The following AGK variants were observed in gnomAD, a reference collection of about 807,000 sequenced individuals.
AGK encodes the protein acylglycerol kinase, mitochondrial.
Under a neutral mutation model 66.4 loss-of-function variants are expected in AGK, and 52 were observed. The ratio of observed to expected loss-of-function variants is 0.78; its 90% CI spans 0.63 to 0.99. AGK has a LOEUF of 0.99. AGK is among the 50% of genes least tolerant of loss of function. The pLI is 0.00. For missense variants in AGK, 451 were observed against 506.6 expected, an observed-to-expected ratio of 0.89 and a Z score of 1.05; for synonymous variants, 182 against 181.1, an observed-to-expected ratio of 1.00 and a Z score of -0.04.
chr7:141,575,306 G>A (rs191052943), intron 2 of AGK, among the ~76,000 whole-genome samples: 326 of 152,262 alleles, frequency 2.1e-3, no homozygotes, highest in Non-Finnish European at 4.1e-3. Context: ...TGTCCAAGTG[G>A]GCAAATCACC....
chr7:141,645,647 C>T (rs1436694746), intron 13 of AGK, among the ~76,000 whole-genome samples: 1 of 152,144 alleles, frequency 6.6e-6, no homozygotes, highest in African/African-American at 2.4e-5. Flanking sequence ...TTGCTTCATG[C>T]TTGTATTTAA....
Position 141,620,059 on chromosome 7 carries a change from A to G in AGK, c.519-1673A>G, listed in dbSNP as rs1210216222. Among the ~76,000 whole-genome samples the G allele has an allele frequency of 2.6e-5, 4 of 152,144 alleles. No individual in the cohort carries two copies. The East Asian group carries it at 7.7e-4, about 29-fold the overall frequency. Reference sequence around the variant, plus strand: ...TGTAGATGAATTTCAAGCTCATGCTAAGAGAAAAAAACTGAACTGGAAAGG... The same window carrying G: ...TGTAGATGAATTTCAAGCTCATGCTGAGAGAAAAAAACTGAACTGGAAAGG... On this transcript the variant is annotated intron_variant, in intron 8 of 15. Transcript: ENST00000649286.
intron 14 of AGK, 50 bp downstream of exon 14, chr7:141,649,383 T>G (rs1285880257): frequency 7.1e-7 from 1 of 1,406,486 alleles, no homozygotes; most frequent in Non-Finnish European, 1.0e-6. Flanking sequence ...TTTCTCAGAT[T>G]TTACTATTCA....
At chr7:141,556,794 C>A (rs1795219646) in intron 2 of AGK, among the ~76,000 whole-genome samples, 1 of 152,136 alleles carries the variant, frequency 6.6e-6, no homozygotes, top group African/African-American at 2.4e-5. Flanking sequence ...TCATCTGTCC[C>A]ATTAGCCTAC....
rs2116922430 is a variant in AGK at position 141,593,568 on chromosome 7, G to A, written c.141+383G>A. 9.0e-6 allele frequency: 5 copies of A among 557,376 alleles called. No homozygotes were observed. In the East Asian group the frequency reaches 1.4e-4, roughly 16 times the overall value. The allele number at this position is 557,376 out of a possible 1,614,324, so 34.5% of individuals were successfully genotyped here. On this transcript the variant is annotated intron_variant, in intron 3 of 15. Transcript: ENST00000649286. ...TTCAGAGCAAGTGTTACCTCTAAAA[G>A]TCAAATCTTCTTAAAATTGTTGATT...
intron 2 of AGK, among the ~76,000 whole-genome samples, chr7:141,563,963 G>C (rs35305722): frequency 0.012 from 1,840 of 152,134 alleles, 16 homozygotes; most frequent in Non-Finnish European, 0.02. Context: ...GTTTGTTTCT[G>C]TTGTTGTTGT....
intron 14 of AGK, among the ~76,000 whole-genome samples, chr7:141,651,261 AAATC>A (rs199859425): frequency 2.0e-5 from 3 of 152,354 alleles, no homozygotes; most frequent in Non-Finnish European, 4.4e-5. Flanking sequence ...GATTATTTTT[AAATC>A]AATCAATTTT....
intron 2 of AGK, among the ~76,000 whole-genome samples, chr7:141,564,645 C>T (rs1795428988): frequency 6.6e-6 from 1 of 152,198 alleles, no homozygotes; most frequent in Admixed American, 6.5e-5. Flanking sequence ...GTTGACTCTC[C>T]TCGAAATGCT....
At chr7:141,565,987 C>T (rs1795459275) in intron 2 of AGK, among the ~76,000 whole-genome samples, 1 of 152,204 alleles carries the variant, frequency 6.6e-6, no homozygotes, top group Non-Finnish European at 1.5e-5. Flanking sequence ...CCCCTGCATA[C>T]ATCTCTAGAC....
intron 5 of AGK, among the ~76,000 whole-genome samples, chr7:141,609,949 A>G (rs1469426740): frequency 2.0e-4 from 31 of 151,736 alleles, no homozygotes; most frequent in Admixed American, 2.0e-3. Context: ...ATATATATGT[A>G]CGTATGTATG....
At position 141,652,873 on chromosome 7, in the gene AGK, C is replaced by T. The variant is rs1228818523; in HGVS notation, c.1218C>T (p.Phe406=). 2 of 1,614,064 alleles carry T rather than the reference C, an allele frequency of 1.2e-6. No homozygotes were observed. Among genetic ancestry groups the T allele is most frequent in the South Asian group, 1.1e-5 (1 of 91,078 alleles). Residue 406 remains phenylalanine, a synonymous_variant, in exon 16 of 16, where the codon TTC becomes TTT. Transcript: ENST00000649286. Reference sequence around the variant, plus strand: ...AACTGCTCCCCAGGAAGCTGCAGTTCTTCTGTGATCCTAGGAAGAGAGAAC... The same window carrying T: ...AACTGCTCCCCAGGAAGCTGCAGTTTTTCTGTGATCCTAGGAAGAGAGAAC... ...EVKLLPRKLQ[F]FCDPRKREQM... is the part of the protein sequence containing the mutation.
chr7:141,583,937 C>T (rs544753796), intron 2 of AGK, among the ~76,000 whole-genome samples: 10 of 152,006 alleles, frequency 6.6e-5, no homozygotes, highest in Middle Eastern at 3.4e-3. Flanking sequence ...GCTGGTTGGT[C>T]TGAGGACCTG....
At chr7:141,633,324 A>G (rs925607403) in intron 9 of AGK, among the ~76,000 whole-genome samples, 3 of 152,170 alleles carry the variant, frequency 2.0e-5, no homozygotes, top group Admixed American at 6.5e-5. Flanking sequence ...TTTTTTCTAT[A>G]TATTGCTTAA....
chr7:141,580,357 C>G (rs1321193615), intron 2 of AGK, among the ~76,000 whole-genome samples: 1 of 151,844 alleles, frequency 6.6e-6, no homozygotes, highest in Non-Finnish European at 1.5e-5. Flanking sequence ...CCTGGTAGAA[C>G]TGCCATCAAT....
At chr7:141,577,480 C>CT (rs1795771297) in intron 2 of AGK, among the ~76,000 whole-genome samples, 2 of 152,206 alleles carry the variant, frequency 1.3e-5, no homozygotes, top group South Asian at 4.2e-4. Flanking sequence ...TGTCATGTGA[C>CT]CACAAAAAAT....
intron 2 of AGK, among the ~76,000 whole-genome samples, chr7:141,567,385 C>T (rs573081304): frequency 2.6e-5 from 4 of 152,208 alleles, no homozygotes; most frequent in African/African-American, 9.6e-5. Context: ...CTTTTGGTAT[C>T]AGATATTATT....
intron 1 of AGK, among the ~76,000 whole-genome samples, chr7:141,554,832 T>A (rs1484274080): frequency 6.6e-6 from 1 of 152,230 alleles, no homozygotes; most frequent in Non-Finnish European, 1.5e-5. Context: ...ATATGATCAT[T>A]TAAAAATTTA....
At chr7:141,553,444 G>A (rs958942032) in intron 1 of AGK, among the ~76,000 whole-genome samples, 3 of 152,176 alleles carry the variant, frequency 2.0e-5, no homozygotes, top group Non-Finnish European at 4.4e-5. Flanking sequence ...CCCTAGACCA[G>A]GTTAGGTTCA....
intron 2 of AGK, among the ~76,000 whole-genome samples, chr7:141,572,472 C>T (rs1426978476): frequency 4.6e-5 from 7 of 152,194 alleles, no homozygotes; most frequent in Non-Finnish European, 8.8e-5. Context: ...ACTTAACCAC[C>T]TGAACCTCTG....
Sources: gnomAD v4.1 joint callset for allele counts (sites outside exome capture counted in the v4.1 genomes callset) on GRCh38, gnomAD v4.1.1 for gene constraint, MANE v1.5 for transcripts, NCBI Gene and HGNC (gene_info 2026-07-23, HGNC 2026-07-21) for gene names.